GPR162: variants seen among roughly 807,000 people sequenced by gnomAD.
The protein encoded by GPR162 is G protein-coupled receptor 162, also known as probable G protein-coupled receptor 162.
Under a neutral mutation model 44.9 loss-of-function variants are expected in GPR162, and 26 were observed. That is an observed-to-expected ratio of 0.58 (90% CI 0.42 to 0.80). The LOEUF (loss-of-function observed/expected upper bound fraction) is 0.80, where lower values mean the gene tolerates loss of function less well. Among genes scored for constraint, GPR162 ranks in the 30% least tolerant of loss-of-function variants. The pLI is 0.00. For synonymous variants in GPR162, 363 were observed against 335.2 expected, an observed-to-expected ratio of 1.08 and a Z score of -0.91; for missense variants, 704 against 802.3, an observed-to-expected ratio of 0.88 and a Z score of 1.48.
Position 6,824,108 on chromosome 12 carries a change from T to C in GPR162, c.210T>C (p.Phe70=). The change falls in exon 2 of 5, where the codon TTT becomes TTC. Residue 70 remains phenylalanine, a synonymous_variant. Coordinates refer to ENST00000311268, the MANE Select transcript of GPR162 (RefSeq NM_019858.2). ...ILMAAVPLTT[F]AVVQLRRQAS... is the part of the protein sequence containing the mutation. ...TGGCAGCTGTGCCCCTCACCACCTT[T>C]GCCGTGGTGCAGCTGCGTCGTCAGG... 6.2e-7 allele frequency: 1 copy of C among 1,613,946 alleles called. No individual in the cohort carries two copies. Among genetic ancestry groups the C allele is most frequent in the Non-Finnish European group, 8.5e-7 (1 of 1,180,012 alleles).
intron 2 of GPR162, chr12:6,825,199 T>C: frequency 7.3e-6 from 4 of 548,340 alleles, no homozygotes; most frequent in Non-Finnish European, 1.3e-5. Context: ...CACCACCCCA[T>C]CTAGTCACTG....
chr12:6,825,557 T>C lies in GPR162; in HGVS notation c.941T>C (p.Met314Thr). Residue 314 changes from methionine to threonine, a missense_variant, in exon 3 of 5, where the codon ATG (methionine) becomes ACG (threonine). Physicochemically the swap from Met to Thr is moderately conservative, Grantham distance 81. This residue lies in a region of GPR162 where 92 missense variants were observed against 156.5 expected (regional missense o/e 0.59). Coordinates refer to ENST00000311268, the MANE Select transcript of GPR162 (RefSeq NM_019858.2). ...WMVLAVLWCS[M>T]AQTLLLPSFI... ...GTGCTGGCTGTGCTGTGGTGCTCCA[T>C]GGCACAGACGCTGCTGCTGCCCTCC... 2 of 1,610,630 alleles carry C rather than the reference T, an allele frequency of 1.2e-6. No homozygotes were observed. The highest frequency in any genetic ancestry group is 1.1e-5 in the South Asian group (1 of 90,346).
rs782690110 is a variant in GPR162 at position 6,827,242 on chromosome 12, G to A, written c.*38G>A. 12 of 1,499,590 alleles carry A rather than the reference G, an allele frequency of 8.0e-6. No individual in the cohort carries two copies. The East Asian group carries it at 2.4e-4, about 30-fold the overall frequency. The allele number at this position is 1,499,590 out of a possible 1,614,324, so 92.9% of individuals were successfully genotyped here. ...CTGCTGAACTCAGAGGAGAAAGCCT[G>A]AGTGAGTAACACCTCATTCTGGCCG... is the stretch of plus-strand genomic sequence containing the variant. On this transcript the variant is annotated 3_prime_UTR_variant, in exon 5 of 5. Transcript: ENST00000311268.
rs1168389629 is a variant in GPR162, at chr12:6,822,117, C to T, written c.-432+217C>T. Among the ~76,000 whole-genome samples, 1 of 152,216 alleles carries T rather than the reference C, an allele frequency of 6.6e-6. No individual in the cohort carries two copies. Among genetic ancestry groups the T allele is most frequent in the Non-Finnish European group, 1.5e-5 (1 of 68,028 alleles). On this transcript the variant is annotated intron_variant, in intron 1 of 4. Transcript: ENST00000311268. This position sits in a 1 kb window ranked among gnomAD's most constrained non-coding sequence, Gnocchi z 4.2. The stretch of plus-strand genomic sequence containing the variant: ...CAGGGAACCTCCCAGATCCCCCTTC[C>T]CACCTTCCTCTGATCTCTCCCTGTC...
intron 3 of GPR162, 82 bp from the exon 4 acceptor site, chr12:6,826,114 T>C (rs1002121747): frequency 1.9e-6 from 2 of 1,063,522 alleles, no homozygotes; most frequent in African/African-American, 3.1e-5. Context: ...TAAAGGGGTC[T>C]CTGGGAGCTT....
chr12:6,825,530 T>C lies in GPR162; in HGVS notation c.914T>C (p.Met305Thr). Reference sequence around the variant, plus strand: ...AAGTCGGACTCGGCGCCCCCCTGGATGGTGCTGGCTGTGCTGTGGTGCTCC... The same window carrying C: ...AAGTCGGACTCGGCGCCCCCCTGGACGGTGCTGGCTGTGCTGTGGTGCTCC... ...SLKSDSAPPW[M>T]VLAVLWCSMA... The change falls in exon 3 of 5, where the codon ATG becomes ACG. Residue 305 changes from methionine to threonine, a missense_variant. Transcript: ENST00000311268. 1 of 1,612,194 alleles carries C rather than the reference T, an allele frequency of 6.2e-7. No homozygotes were observed. The highest frequency in any genetic ancestry group is 8.5e-7 in the Non-Finnish European group (1 of 1,179,390).
chr12:6,825,544 C>T lies in GPR162; in HGVS notation c.928C>T (p.Leu310=). The change falls in exon 3 of 5, where the codon CTG becomes TTG. Residue 310 remains leucine, a synonymous_variant. Transcript: ENST00000311268. ...SAPPWMVLAV[L]WCSMAQTLLL... is the part of the protein sequence containing the mutation. ...GCCCCCCTGGATGGTGCTGGCTGTG[C>T]TGTGGTGCTCCATGGCACAGACGCT... 1 of 1,611,848 alleles carries T rather than the reference C, an allele frequency of 6.2e-7. No individual in the cohort carries two copies. Among genetic ancestry groups the T allele is most frequent in the Non-Finnish European group, 8.5e-7 (1 of 1,179,122 alleles).
At chr12:6,825,922 G>A (rs1484848015) in intron 3 of GPR162, among the ~76,000 whole-genome samples, 1 of 152,148 alleles carries the variant, frequency 6.6e-6, no homozygotes, top group Non-Finnish European at 1.5e-5. Flanking sequence ...CTGGCACTAT[G>A]GGGAACCTGA....
chr12:6,827,008 C>G lies in GPR162; in HGVS notation c.1571C>G (p.Ser524Cys). ...LPSPTASPGH[S>C]PRRPRPLGLS... is the part of the protein sequence containing the mutation. ...TCTCCGACTGCCTCACCAGGGCACT[C>G]TCCTCGTCGGCCCCGGCCACTGGGC... Residue 524 changes from serine to cysteine, a missense_variant, in exon 5 of 5, where the codon TCT becomes TGT. Physicochemically the swap from Ser to Cys is moderately radical, Grantham distance 112 (BLOSUM62 -1). Transcript: ENST00000311268. The G allele has an allele frequency of 6.2e-7, 1 of 1,613,342 alleles. No homozygotes were observed. The highest frequency in any genetic ancestry group is 8.5e-7 in the Non-Finnish European group (1 of 1,180,016).
rs782261225 is a variant in GPR162, at chr12:6,827,092, T to C, written c.1655T>C (p.Leu552Ser). 1 of 1,613,410 alleles carries C rather than the reference T, an allele frequency of 6.2e-7. No homozygotes were observed. Among genetic ancestry groups the C allele is most frequent in the East Asian group, 2.2e-5 (1 of 44,886 alleles). Residue 552 changes from leucine (L) to serine (S), a missense_variant, in exon 5 of 5, where the codon TTG becomes TCG. Leu to Ser is a moderately radical substitution (Grantham distance 145). This residue lies in a region of GPR162 where 404 missense variants were observed against 314.1 expected (regional missense o/e 1.29). Coordinates refer to ENST00000311268, the MANE Select transcript of GPR162 (RefSeq NM_019858.2). ...GAGAGCAGAGCCGTTGGACTTCCTT[T>C]GGGACTAAGCGCAGGGAGACGCTGC... is the stretch of plus-strand genomic sequence containing the variant. ...SPESRAVGLP[L>S]GLSAGRRCSL...
Position 6,825,677 on chromosome 12 carries a change from A to G in GPR162, c.1057+4A>G. The G allele has an allele frequency of 6.4e-7, 1 of 1,561,194 alleles. No individual in the cohort carries two copies. Among genetic ancestry groups the G allele is most frequent in the Non-Finnish European group, 8.7e-7 (1 of 1,151,720 alleles). On this transcript the variant is annotated splice_donor_region_variant and intron_variant, in intron 3 of 4. Coordinates refer to ENST00000311268, the MANE Select transcript of GPR162 (RefSeq NM_019858.2). ...TCTGAGGAGGATGGAGATGACGGTCAGAGGAGGGGCTGGGCTTTGGCTTTC... is the reference window on the plus strand; with the variant it reads ...TCTGAGGAGGATGGAGATGACGGTCGGAGGAGGGGCTGGGCTTTGGCTTTC...
In GPR162 at chr12:6,822,331, G is replaced by A. The variant is rs1313222802; in HGVS notation, c.-432+431G>A. Among the ~76,000 whole-genome samples the A allele has an allele frequency of 1.3e-5, 2 of 152,186 alleles. No individual in the cohort carries two copies. The highest frequency in any genetic ancestry group is 4.8e-5 in the African/African-American group (2 of 41,430). On this transcript the variant is annotated intron_variant, in intron 1 of 4. Transcript: ENST00000311268. The surrounding 1 kb of genome is among the most constrained non-coding windows in gnomAD (Gnocchi z 4.2). ...CTCCACCTCCCTCTGGCTGGCCATTGCCATGGCAACTAGGGTGTACTGGGC... is the reference window on the plus strand; with the variant it reads ...CTCCACCTCCCTCTGGCTGGCCATTACCATGGCAACTAGGGTGTACTGGGC...
Position 6,826,758 on chromosome 12 carries a change from G to A in GPR162, c.1321G>A (p.Val441Ile), listed in dbSNP as rs781913769. The A allele has an allele frequency of 8.1e-6, 13 of 1,605,426 alleles. No homozygotes were observed. The Admixed American group carries it at 1.9e-4, about 23-fold the overall frequency. Residue 441 changes from valine to isoleucine, a missense_variant, in exon 5 of 5, where the codon GTC becomes ATC. Val to Ile is a conservative substitution (Grantham distance 29). Coordinates refer to ENST00000311268, the MANE Select transcript of GPR162 (RefSeq NM_019858.2). ...HKWSSSDDIR[V>I]LPAQSRALGG... ...GTGGTCATCCTCTGATGACATCCGG[G>A]TCCTCCCAGCCCAGAGCCGGGCCCT...
In GPR162 at chr12:6,826,267, C is replaced by G. The variant is rs782340071; in HGVS notation, c.1129C>G (p.Pro377Ala). 1 of 1,613,942 alleles carries G rather than the reference C, an allele frequency of 6.2e-7. No homozygotes were observed. Among genetic ancestry groups the G allele is most frequent in the Non-Finnish European group, 8.5e-7 (1 of 1,179,896 alleles). Reference protein sequence around the residue: ...VRFDANGATGPGSRDPAQVKL... With the variant: ...VRFDANGATGAGSRDPAQVKL... ...CTTTGATGCTAACGGAGCCACAGGA[C>G]CAGGGAGCCGGGACCCCGCCCAGGT... Residue 377 changes from proline (P) to alanine (A), a missense_variant, in exon 4 of 5, where the codon CCA (proline) becomes GCA (alanine). This residue lies in a region of GPR162 where 404 missense variants were observed against 314.1 expected (regional missense o/e 1.29). Coordinates refer to ENST00000311268, the MANE Select transcript of GPR162 (RefSeq NM_019858.2).
rs144834616 is a variant in GPR162 at position 6,826,913 on chromosome 12, G to T, written c.1476G>T (p.Gly492=). 2 of 1,613,322 alleles carry T rather than the reference G, an allele frequency of 1.2e-6. No individual in the cohort carries two copies. Among genetic ancestry groups the T allele is most frequent in the Admixed American group, 1.7e-5 (1 of 60,036 alleles). ...FLESGVLGSG[G]GPPRGPGFFR... Reference sequence around the variant, plus strand: ...AGAGTGGGGTTCTGGGGTCAGGTGGGGGACCCCCACGGGGTCCTGGCTTCT... The same window carrying T: ...AGAGTGGGGTTCTGGGGTCAGGTGGTGGACCCCCACGGGGTCCTGGCTTCT... The change falls in exon 5 of 5, where the codon GGG becomes GGT. Residue 492 remains glycine (G), a synonymous_variant. Coordinates refer to ENST00000311268, the MANE Select transcript of GPR162 (RefSeq NM_019858.2).
At chr12:6,823,176 C>G (rs1247048937) in intron 1 of GPR162, among the ~76,000 whole-genome samples, 1 of 152,146 alleles carries the variant, frequency 6.6e-6, no homozygotes, top group Non-Finnish European at 1.5e-5. Context: ...TAGTGCTGAG[C>G]AGGGGATGTT....
rs1555120326 is a variant in GPR162 at position 6,826,956 on chromosome 12, A to G, written c.1519A>G (p.Thr507Ala). 1 of 1,613,190 alleles carries G rather than the reference A, an allele frequency of 6.2e-7. No homozygotes were observed. Among genetic ancestry groups the G allele is most frequent in the South Asian group, 1.1e-5 (1 of 91,080 alleles). The change falls in exon 5 of 5, where the codon ACC becomes GCC. Residue 507 changes from threonine to alanine, a missense_variant. Thr to Ala is a moderately conservative substitution (Grantham distance 58). Around this residue, in one of 6 missense-constraint regions of GPR162, gnomAD observed 404 missense variants for 314.1 expected, o/e 1.29. Transcript: ENST00000311268. Reference sequence around the variant, plus strand: ...TGGCTTCTTCCGGGAGGAGATCACCACCTTCATCGATGAGACACCTCTGCC... The same window carrying G: ...TGGCTTCTTCCGGGAGGAGATCACCGCCTTCATCGATGAGACACCTCTGCC... ...GPGFFREEIT[T>A]FIDETPLPSP... is the part of the protein sequence containing the mutation.
At chr12:6,826,619 A>G (rs1555120128) in intron 4 of GPR162, 34 bp from the exon 5 acceptor site, 2 of 1,502,858 alleles carry the variant, frequency 1.3e-6, no homozygotes, top group Non-Finnish European at 1.8e-6. Context: ...CTGTCCCTGC[A>G]GCACCTTCAG....
At chr12:6,826,537 G>T (rs782649843) in intron 4 of GPR162, 116 bp from the exon 5 acceptor site, 24 of 1,139,396 alleles carry the variant, frequency 2.1e-5, no homozygotes, top group Non-Finnish European at 2.7e-5. Flanking sequence ...TTTGCCCACC[G>T]GAGCAAACGT....
Sources: gnomAD v4.1 joint callset for allele counts (sites outside exome capture counted in the v4.1 genomes callset) on GRCh38, gnomAD v4.1.1 for gene constraint, gnomAD v4.1.1 regional missense constraint, Gnocchi (gnomAD v3.1) non-coding constraint, MANE v1.5 for transcripts, NCBI Gene and HGNC (gene_info 2026-07-23, HGNC 2026-07-21) for gene names.